Variants in SEMA3A observed in about 807,000 individuals in gnomAD.
The protein encoded by SEMA3A is semaphorin-3A.
SEMA3A carries 29 observed loss-of-function variants against 97.9 expected under a neutral mutation model. That is an observed-to-expected ratio of 0.30 (90% CI 0.22 to 0.40). SEMA3A has a LOEUF of 0.40. Ranked by LOEUF, SEMA3A falls within the 10% of genes least tolerant of loss-of-function variation. The pLI is 1.00. For synonymous variants in SEMA3A, 321 were observed against 323.7 expected (o/e 0.99, Z 0.09); for missense variants, 763 against 951.3 (o/e 0.80, Z 2.60).
At chr7:84,216,739 C>T (rs1005059549) in intron 3 of SEMA3A, among the ~76,000 whole-genome samples, 2 of 151,962 alleles carry the variant, frequency 1.3e-5, no homozygotes, top group African/African-American at 4.8e-5. Context: ...AATACATGGA[C>T]GTCCAGTTGA....
chr7:84,118,051 A>G (rs533843328), intron 3 of SEMA3A, among the ~76,000 whole-genome samples: 2 of 152,286 alleles, frequency 1.3e-5, no homozygotes, highest in South Asian at 4.1e-4. Flanking sequence ...CAATTACGAC[A>G]AGAGCTCCAT....
chr7:84,202,437 G>C (rs1798379648), intron 3 of SEMA3A, among the ~76,000 whole-genome samples: 1 of 152,086 alleles, frequency 6.6e-6, no homozygotes, highest in African/African-American at 2.4e-5. Flanking sequence ...ATTTACTGAT[G>C]CTGTGAAGCC....
intron 3 of SEMA3A, among the ~76,000 whole-genome samples, chr7:84,122,263 G>A (rs534319239): frequency 1.8e-3 from 279 of 152,006 alleles, no homozygotes; most frequent in African/African-American, 6.2e-3. Flanking sequence ...AAAAGTGGGC[G>A]AAGGATATGA....
At chr7:84,036,091 G>A (rs1312284609) in intron 6 of SEMA3A, among the ~76,000 whole-genome samples, 1 of 151,908 alleles carries the variant, frequency 6.6e-6, no homozygotes, top group Non-Finnish European at 1.5e-5. Context: ...TCATTTTATA[G>A]TGAAATCCCC....
chr7:83,990,836 T>G (rs1005613544), intron 12 of SEMA3A, among the ~76,000 whole-genome samples: 2 of 147,684 alleles, frequency 1.4e-5, no homozygotes, highest in Non-Finnish European at 3.0e-5. Context: ...TTTAAAGTAG[T>G]TTTTTCCAAT....
intron 3 of SEMA3A, among the ~76,000 whole-genome samples, chr7:84,123,770 ATATTATCTGATAACCTTATATATATATAT>A: frequency 6.7e-6 from 1 of 148,988 alleles, no homozygotes; most frequent in Admixed American, 6.8e-5. Flanking sequence ...TGTTTAATAT[ATATTATCTGATAACCTTATATATATATAT>A]TTATCTGATA....
chr7:84,054,755 G>C (rs1437805103), intron 5 of SEMA3A, among the ~76,000 whole-genome samples: 1 of 147,116 alleles, frequency 6.8e-6, no homozygotes, highest in Non-Finnish European at 1.5e-5. Flanking sequence ...GAGGAACTGC[G>C]TTCCTTTGGA....
rs117328162 is a variant in SEMA3A at position 84,091,246 on chromosome 7, G to A, written c.453+19224C>T. 6.4e-3 allele frequency among the ~76,000 whole-genome samples: 513 copies of A among 80,538 alleles called. 19 individuals are homozygous for A. The highest frequency in any genetic ancestry group is 9.9e-3 in the Non-Finnish European group (363 of 36,580). 52.8% of individuals were successfully genotyped at this position (80,538 alleles called of 152,430 possible). On this transcript the variant is annotated intron_variant, in intron 4 of 16. Coordinates refer to ENST00000265362, the MANE Select transcript of SEMA3A (RefSeq NM_006080.3). Reference sequence around the variant, plus strand: ...AGAAAGAAAAGAAAGAAGGAAGGAAGGAAAGAACGAAGGAAAGAGAAAAAG... The same window carrying A: ...AGAAAGAAAAGAAAGAAGGAAGGAAAGAAAGAACGAAGGAAAGAGAAAAAG...
At chr7:84,295,386 C>T (rs375463937) in intron 3 of SEMA3A, among the ~76,000 whole-genome samples, 1 of 151,834 alleles carries the variant, frequency 6.6e-6, no homozygotes, top group Non-Finnish European at 1.5e-5. Flanking sequence ...GTGAATGTTG[C>T]AATTTATCTT....
At chr7:84,391,009 C>A (rs891345453) in intron 1 of SEMA3A, among the ~76,000 whole-genome samples, 1 of 152,102 alleles carries the variant, frequency 6.6e-6, no homozygotes, top group Non-Finnish European at 1.5e-5. Context: ...CTGTAGCTTG[C>A]AATCCAGGGT....
intron 3 of SEMA3A, among the ~76,000 whole-genome samples, chr7:84,239,673 CAT>C (rs1353694724): frequency 1.3e-5 from 2 of 152,070 alleles, no homozygotes; most frequent in Non-Finnish European, 2.9e-5. Context: ...ATTTTTCTAA[CAT>C]ATTTTTAAGA....
At chr7:84,039,065 T>C (rs74869360) in intron 6 of SEMA3A, among the ~76,000 whole-genome samples, 29,070 of 152,076 alleles carry the variant, frequency 0.19, 3,023 homozygotes, top group East Asian at 0.41. Flanking sequence ...TTGTTTGTTG[T>C]ATCAATTTAC....
At chr7:84,052,794 G>T (rs28843119) in intron 5 of SEMA3A, among the ~76,000 whole-genome samples, 12 of 147,064 alleles carry the variant, frequency 8.2e-5, no homozygotes, top group Non-Finnish European at 1.4e-4. Flanking sequence ...AGTTCTTTTA[G>T]TTGTGATGTT....
chr7:84,446,791 G>C (rs1805424625), intron 1 of SEMA3A, among the ~76,000 whole-genome samples: 1 of 152,138 alleles, frequency 6.6e-6, no homozygotes, highest in African/African-American at 2.4e-5. Context: ...GGCCCATGTG[G>C]AGCAGCTGCT....
chr7:84,242,535 G>T (rs1463275704), intron 3 of SEMA3A, among the ~76,000 whole-genome samples: 2 of 152,094 alleles, frequency 1.3e-5, no homozygotes, highest in African/African-American at 2.4e-5. Flanking sequence ...TGAGACAATG[G>T]GGTTTTCTAA....
chr7:83,992,680 G>C (rs1790013076), intron 12 of SEMA3A, among the ~76,000 whole-genome samples: 1 of 151,472 alleles, frequency 6.6e-6, no homozygotes, highest in Non-Finnish European at 1.5e-5. Context: ...TGTGGTCTGA[G>C]AGATAGTTTG....
chr7:84,186,599 A>G (rs1207449019), intron 1 of SEMA3A, among the ~76,000 whole-genome samples: 2 of 152,106 alleles, frequency 1.3e-5, no homozygotes, highest in South Asian at 2.1e-4. Flanking sequence ...GCTATGCCCA[A>G]ATACATTTCT....
intron 1 of SEMA3A, among the ~76,000 whole-genome samples, chr7:84,141,761 G>A (rs1349342036): frequency 1.3e-5 from 2 of 151,816 alleles, no homozygotes; most frequent in African/African-American, 2.4e-5. Context: ...CATTTAGCTC[G>A]CACTTATAAC....
chr7:84,423,253 T>C (rs1584312487), intron 1 of SEMA3A, among the ~76,000 whole-genome samples: 2 of 152,062 alleles, frequency 1.3e-5, no homozygotes, highest in Non-Finnish European at 2.9e-5. Context: ...GACTCTAATA[T>C]GAATTTGTTA....
Sources: allele counts gnomAD v4.1 joint callset (sites outside exome capture counted in the v4.1 genomes callset), GRCh38; gene constraint gnomAD v4.1.1; transcripts MANE v1.5; gene names NCBI Gene and HGNC (gene_info 2026-07-23, HGNC 2026-07-21).